Variants in INSC observed in about 807,000 individuals in gnomAD.
The protein encoded by INSC is INSC spindle orientation adaptor protein, also known as protein inscuteable homolog.
INSC carries 67 observed loss-of-function variants against 58.6 expected under a neutral mutation model. The ratio of observed to expected loss-of-function variants is 1.14; its 90% CI spans 0.94 to 1.40. The LOEUF (loss-of-function observed/expected upper bound fraction) is 1.40, where lower values mean the gene tolerates loss of function less well. INSC is among the 40% of genes most tolerant of loss of function. The pLI, the probability that INSC is intolerant of heterozygous loss-of-function variation, is 0.00. For missense variants in INSC, 714 were observed against 692.0 expected, an observed-to-expected ratio of 1.03 and a Z score of -0.36; for synonymous variants, 262 against 276.1, an observed-to-expected ratio of 0.95 and a Z score of 0.51.
intron 1 of INSC, among the ~76,000 whole-genome samples, chr11:15,140,349 G>A (rs1848339631): frequency 6.6e-6 from 1 of 152,146 alleles, no homozygotes; most frequent in African/African-American, 2.4e-5. Context: ...GGGAAAAAGT[G>A]CAAGCGTACT....
intron 2 of INSC, among the ~76,000 whole-genome samples, chr11:15,172,945 A>G (rs78388364): frequency 0.012 from 1,880 of 152,302 alleles, 46 homozygotes; most frequent in African/African-American, 0.043. Flanking sequence ...GGGGAGAAAC[A>G]TATTTTAATA....
At chr11:15,247,756 T>TA (rs1473234183), downstream of INSC, among the ~76,000 whole-genome samples, 22 of 148,402 alleles carry the variant, frequency 1.5e-4, no homozygotes, top group South Asian at 2.1e-4. Flanking sequence ...TATATATATA[T>TA]TTCACTGAGT....
rs548185737 is a variant in INSC at position 15,197,893 on chromosome 11, T to C, written c.694-2931T>C. 2.5e-3 allele frequency among the ~76,000 whole-genome samples: 381 copies of C among 152,350 alleles called. 2 individuals carry two copies. Among genetic ancestry groups the C allele is most frequent in the Non-Finnish European group, 2.6e-3 (179 of 68,036 alleles). ...TCTCTCTGAATAATTCATACTGTTA[T>C]GTGGCTGGGCTCTGAGCCCGGAGCT... On this transcript the variant is annotated intron_variant, in intron 6 of 12. Coordinates refer to ENST00000379556, the MANE Select transcript of INSC (RefSeq NM_001042536.3).
chr11:15,153,580 C>T (rs562495766), intron 2 of INSC, among the ~76,000 whole-genome samples: 39 of 152,320 alleles, frequency 2.6e-4, no homozygotes, highest in African/African-American at 9.1e-4. Flanking sequence ...GAAGGCCAAT[C>T]AAAGCTAGAC....
intron 6 of INSC, among the ~76,000 whole-genome samples, chr11:15,195,937 C>T (rs939050): frequency 0.34 from 51,058 of 152,104 alleles, 9,049 homozygotes; most frequent in African/African-American, 0.41. Context: ...ATTTTACTTT[C>T]ATCCTATTCC....
chr11:15,241,302 G>A (rs1331389475), intron 12 of INSC, among the ~76,000 whole-genome samples: 1 of 152,174 alleles, frequency 6.6e-6, no homozygotes, highest in Non-Finnish European at 1.5e-5. Context: ...AAGAACATAA[G>A]GGGGAAGTGA....
In INSC at chr11:15,149,278, C is replaced by T. The variant is rs752213048; in HGVS notation, c.56+48C>T. ...CAGGCCAGGCCTGCCCCATCTGAAC[C>T]GTGACTGAGGCCCAGTTCCAGCATC... On this transcript the variant is annotated intron_variant, in intron 2 of 12. Coordinates refer to ENST00000379556, the MANE Select transcript of INSC (RefSeq NM_001042536.3). 1.5e-5 allele frequency: 22 copies of T among 1,427,502 alleles called. No homozygotes were observed. In the South Asian group the frequency reaches 2.0e-4, roughly 13 times the overall value. The allele number at this position is 1,427,502 out of a possible 1,614,324, so 88.4% of individuals were successfully genotyped here. A position where few individuals can be genotyped will look rare whatever the true frequency, so the allele number is the denominator to read the frequency against.
Position 15,161,383 on chromosome 11 carries a change from G to A in INSC, c.56+12153G>A, listed in dbSNP as rs1025817783. 4.6e-5 allele frequency among the ~76,000 whole-genome samples: 7 copies of A among 152,352 alleles called. No individual in the cohort carries two copies. The South Asian group carries it at 1.0e-3, about 23-fold the overall frequency. On this transcript the variant is annotated intron_variant, in intron 2 of 12. Transcript: ENST00000379556. ...TGGAACACCAAATGTTAAGTGAATA[G>A]GATGAAGAGTGAAAATGGAGATTTC...
intron 2 of INSC, among the ~76,000 whole-genome samples, chr11:15,164,816 T>C (rs1479396663): frequency 2.0e-5 from 3 of 152,112 alleles, no homozygotes; most frequent in African/African-American, 4.8e-5. Context: ...TGGGAGGTAA[T>C]TGAATCATGG....
downstream of INSC, among the ~76,000 whole-genome samples, chr11:15,250,486 G>T (rs1254944393): frequency 1.3e-5 from 2 of 152,136 alleles, no homozygotes; most frequent in Non-Finnish European, 2.9e-5. Context: ...TTTTCCTTAT[G>T]CTGGGCCCCC....
intron 9 of INSC, among the ~76,000 whole-genome samples, chr11:15,229,960 T>TATATATATTTTATATATATTATA (rs1491089037): frequency 4.0e-5 from 1 of 25,112 alleles, no homozygotes; most frequent in African/African-American, 2.3e-4. Context: ...ATATATATAT[T>TATATATATTTTATATATATTATA]TATATATATA....
intron 1 of INSC, among the ~76,000 whole-genome samples, chr11:15,147,835 G>A (rs1191092212): frequency 6.6e-6 from 1 of 152,206 alleles, no homozygotes; most frequent in East Asian, 1.9e-4. Flanking sequence ...ATTATGAGGA[G>A]TGCTTTGTGT....
chr11:15,232,229 G>A (rs980997975), intron 9 of INSC, among the ~76,000 whole-genome samples: 7 of 152,192 alleles, frequency 4.6e-5, no homozygotes, highest in African/African-American at 1.7e-4. Context: ...CATTAGCAGC[G>A]TGTCTTGGCC....
chr11:15,253,153 A>G, the INSC span, among the ~76,000 whole-genome samples: 1 of 152,248 alleles, frequency 6.6e-6, no homozygotes, highest in Non-Finnish European at 1.5e-5. Flanking sequence ...AAAAGGGAAT[A>G]AAAGGAAAAT....
At chr11:15,218,335 G>A (rs1302172187) in intron 7 of INSC, among the ~76,000 whole-genome samples, 5 of 152,136 alleles carry the variant, frequency 3.3e-5, no homozygotes, top group Non-Finnish European at 7.4e-5. Flanking sequence ...AAAACTAACA[G>A]TGGATACCTT....
chr11:15,199,690 T>C (rs1850504791), intron 6 of INSC, among the ~76,000 whole-genome samples: 1 of 152,168 alleles, frequency 6.6e-6, no homozygotes, highest in Admixed American at 6.5e-5. Context: ...ACAATGAGGT[T>C]AGTTAGACCC....
intron 2 of INSC, among the ~76,000 whole-genome samples, chr11:15,170,675 T>A (rs1301014609): frequency 6.6e-6 from 1 of 152,222 alleles, no homozygotes; most frequent in Non-Finnish European, 1.5e-5. Context: ...TATACTCTTT[T>A]CTTTGGAAAT....
At chr11:15,171,985 C>G (rs1017876797) in intron 2 of INSC, among the ~76,000 whole-genome samples, 3 of 152,154 alleles carry the variant, frequency 2.0e-5, no homozygotes, top group African/African-American at 7.2e-5. Flanking sequence ...CACAGATGGC[C>G]AGGGGATCAC....
intron 9 of INSC, among the ~76,000 whole-genome samples, chr11:15,231,430 A>C (rs972332273): frequency 6.6e-6 from 1 of 152,226 alleles, no homozygotes; most frequent in Non-Finnish European, 1.5e-5. Flanking sequence ...AAATCTCATA[A>C]TGTTTTAAGA....
Sources: gnomAD v4.1 joint callset for allele counts (sites outside exome capture counted in the v4.1 genomes callset) on GRCh38, gnomAD v4.1.1 for gene constraint, MANE v1.5 for transcripts, NCBI Gene and HGNC (gene_info 2026-07-23, HGNC 2026-07-21) for gene names.